Variants in SCAF11 observed in about 807,000 individuals in gnomAD.
SCAF11 encodes protein SCAF11.
In SCAF11, 47 loss-of-function variants were observed where a neutral mutation model predicts 140.5. The observed-to-expected ratio is 0.33, with a 90% confidence interval of 0.26 to 0.43. The LOEUF (loss-of-function observed/expected upper bound fraction) is 0.43. SCAF11 is among the 20% of genes least tolerant of loss of function. The pLI is 1.00. For synonymous variants in SCAF11, 557 were observed against 579.4 expected, an observed-to-expected ratio of 0.96 and a Z score of 0.55; for missense variants, 1,645 against 1,705.1, an observed-to-expected ratio of 0.96 and a Z score of 0.62.
At chr12:45,964,555 T>C (rs1945899184) in intron 1 of SCAF11, among the ~76,000 whole-genome samples, 1 of 151,800 alleles carries the variant, frequency 6.6e-6, no homozygotes, top group East Asian at 1.9e-4. Flanking sequence ...TAGTCCCAGC[T>C]GCTCGGGAGG....
intron 6 of SCAF11, among the ~76,000 whole-genome samples, chr12:45,935,724 G>C (rs956130390): frequency 6.6e-6 from 1 of 152,152 alleles, no homozygotes; most frequent in African/African-American, 2.4e-5. Flanking sequence ...GCTCTCTACT[G>C]AAAGAACTGT....
chr12:45,974,336 T>G, intron 1 of SCAF11: 1 of 414,188 alleles, frequency 2.4e-6, no homozygotes, highest in Non-Finnish European at 4.9e-6. Flanking sequence ...GCTGTGGCAA[T>G]TCCTTAAAAT....
chr12:45,952,096 T>G (rs1945564714), intron 3 of SCAF11, among the ~76,000 whole-genome samples: 1 of 152,124 alleles, frequency 6.6e-6, no homozygotes, highest in South Asian at 2.1e-4. Context: ...CCTCACAAAT[T>G]TTAATATTCT....
chr12:45,984,656 G>A (rs1374842490), intron 1 of SCAF11, among the ~76,000 whole-genome samples: 1 of 150,402 alleles, frequency 6.6e-6, no homozygotes, highest in African/African-American at 2.4e-5. Context: ...AGCCTTTCAA[G>A]ATAGTTTCTG....
intron 1 of SCAF11, among the ~76,000 whole-genome samples, chr12:45,988,445 T>A (rs1185408998): frequency 6.6e-6 from 1 of 152,214 alleles, no homozygotes; most frequent in Non-Finnish European, 1.5e-5. Flanking sequence ...ATTCATCCTA[T>A]CTCTGCTGAA....
At chr12:45,979,935 T>C (rs913778294) in intron 1 of SCAF11, among the ~76,000 whole-genome samples, 27 of 152,072 alleles carry the variant, frequency 1.8e-4, no homozygotes, top group African/African-American at 6.0e-4. Flanking sequence ...TGAATAGATA[T>C]TGGGATTCTT....
chr12:45,964,928 A>AGTGT (rs71724498), intron 1 of SCAF11, among the ~76,000 whole-genome samples: 14,043 of 150,470 alleles, frequency 0.093, 2,185 homozygotes, highest in African/African-American at 0.32. Context: ...AGTGGGTGAA[A>AGTGT]GTGTGTGTGT....
chr12:45,940,759 A>C (rs531425950), intron 6 of SCAF11, among the ~76,000 whole-genome samples: 1 of 152,298 alleles, frequency 6.6e-6, no homozygotes, highest in African/African-American at 2.4e-5. Flanking sequence ...AAAAACTTTT[A>C]ATTGTGTCTA....
chr12:45,929,148 A>ATTT (rs780794291), intron 10 of SCAF11: 3 of 155,826 alleles, frequency 1.9e-5, no homozygotes, highest in East Asian at 1.8e-4. Context: ...TACTTGCTTA[A>ATTT]TTTTTTTTTT....
Position 45,982,923 on chromosome 12 carries a change from T to G in SCAF11, c.-22+7430A>C, listed in dbSNP as rs139056670. Among the ~76,000 whole-genome samples, 6 of 152,284 alleles carry G rather than the reference T, an allele frequency of 3.9e-5. No individual in the cohort carries two copies. The East Asian group carries it at 1.2e-3, about 29-fold the overall frequency. ...TCACTTCCCGGTACAAGGAGTAGAC[T>G]TGGAGACATAGGATACAGAAGATGA... On this transcript the variant is annotated intron_variant, in intron 1 of 14. Coordinates refer to ENST00000369367, the MANE Select transcript of SCAF11 (RefSeq NM_004719.3).
At chr12:45,984,886 G>T (rs1312985401) in intron 1 of SCAF11, among the ~76,000 whole-genome samples, 1 of 152,120 alleles carries the variant, frequency 6.6e-6, no homozygotes, top group African/African-American at 2.4e-5. Flanking sequence ...GTAGAGACAG[G>T]ATTTTGCCAC....
chr12:45,953,034 G>A (rs1183851526), intron 3 of SCAF11, among the ~76,000 whole-genome samples: 1 of 152,174 alleles, frequency 6.6e-6, no homozygotes, highest in East Asian at 1.9e-4. Flanking sequence ...TATGGGCTGA[G>A]TTACTATTTT....
intron 1 of SCAF11, among the ~76,000 whole-genome samples, chr12:45,972,585 TAA>T (rs76785973): frequency 0.011 from 1,156 of 107,642 alleles, 19 homozygotes; most frequent in South Asian, 0.069. Flanking sequence ...CCCTGTCTCT[TAA>T]AAAAAAAAAA....
At position 45,926,555 on chromosome 12, in the gene SCAF11, T is replaced by C; in HGVS notation, c.3146A>G (p.Glu1049Gly). 6.2e-7 allele frequency: 1 copy of C among 1,613,162 alleles called. No homozygotes were observed. The highest frequency in any genetic ancestry group is 8.5e-7 in the Non-Finnish European group (1 of 1,179,832). Reference sequence around the variant, plus strand: ...ATTTCCTGAATTTTCATTTCTATTTTCTTCCCAATGAGACTCTTTCAACTT... The same window carrying C: ...ATTTCCTGAATTTTCATTTCTATTTCCTTCCCAATGAGACTCTTTCAACTT... ...PEKLKESHWE[E>G]NRNENSGNSW... The change falls in exon 11 of 15, where the codon GAA (glutamate) becomes GGA (glycine). Residue 1049 changes from glutamate (E) to glycine (G), a missense_variant. Physicochemically the swap from Glu to Gly is moderately conservative, Grantham distance 98. Coordinates refer to ENST00000369367, the MANE Select transcript of SCAF11 (RefSeq NM_004719.3).
At chr12:45,930,456 G>GT (rs35174436) in intron 10 of SCAF11, among the ~76,000 whole-genome samples, 7,295 of 130,550 alleles carry the variant, frequency 0.056, 539 homozygotes, top group East Asian at 0.32. Context: ...TTTTTTTTTT[G>GT]TTTTTTTTTT....
intron 3 of SCAF11, chr12:45,955,506 A>G (rs1945666824): frequency 6.6e-6 from 1 of 152,558 alleles, no homozygotes; most frequent in Admixed American, 6.5e-5. Context: ...TATCCAGCAG[A>G]TATCTATCCA....
Position 45,943,900 on chromosome 12 carries a change from C to A in SCAF11, c.463+1349G>T, listed in dbSNP as rs73292573. Among the ~76,000 whole-genome samples, 1,074 of 152,146 alleles carry A rather than the reference C, an allele frequency of 7.1e-3. 13 individuals carry two copies. The highest frequency in any genetic ancestry group is 0.025 in the African/African-American group (1,022 of 41,500). The stretch of plus-strand genomic sequence containing the variant: ...TAAAATAGCTATCCAATCTAATATG[C>A]CACATTCTAAACAGTAAAACAAAAT... On this transcript the variant is annotated intron_variant, in intron 6 of 14. Transcript: ENST00000369367.
intron 3 of SCAF11, among the ~76,000 whole-genome samples, chr12:45,958,530 T>C (rs1186422392): frequency 3.3e-5 from 5 of 152,232 alleles, no homozygotes; most frequent in African/African-American, 1.2e-4. Context: ...AACAAAAATT[T>C]CAGCCTTCCT....
At position 45,924,709 on chromosome 12, in the gene SCAF11, T is replaced by G. The variant is rs1944805322; in HGVS notation, c.3906+19A>C. The G allele has an allele frequency of 9.5e-6, 15 of 1,576,674 alleles. No individual in the cohort carries two copies. The highest frequency in any genetic ancestry group is 1.3e-5 in the African/African-American group (1 of 74,158). On this transcript the variant is annotated intron_variant, in intron 12 of 14. Transcript: ENST00000369367. Reference sequence around the variant, plus strand: ...TTACAATGGCTATATTGATTAAACTTGAGTTGCTAAAAACATACCTGCAAT... The same window carrying G: ...TTACAATGGCTATATTGATTAAACTGGAGTTGCTAAAAACATACCTGCAAT...
Sources: allele counts gnomAD v4.1 joint callset (sites outside exome capture counted in the v4.1 genomes callset), GRCh38; gene constraint gnomAD v4.1.1; transcripts MANE v1.5; gene names NCBI Gene and HGNC (gene_info 2026-07-23, HGNC 2026-07-21).